ZNF385D: variants seen among roughly 807,000 people sequenced by gnomAD.
ZNF385D encodes the protein zinc finger protein 659.
A neutral mutation model predicts 35.8 loss-of-function variants in ZNF385D; 15 were observed. That is an observed-to-expected ratio of 0.42 (90% CI 0.28 to 0.64). The LOEUF (loss-of-function observed/expected upper bound fraction) is 0.64. Among genes scored for constraint, ZNF385D ranks in the 30% least tolerant of loss-of-function variants. The pLI is 0.23. For missense variants in ZNF385D, 474 were observed against 494.6 expected (o/e 0.96, Z 0.39); for synonymous variants, 212 against 186.8 (o/e 1.13, Z -1.10).
At chr3:22,021,397 G>A (rs1697217121) in intron 3 of ZNF385D, among the ~76,000 whole-genome samples, 2 of 151,896 alleles carry the variant, frequency 1.3e-5, no homozygotes, top group African/African-American at 4.8e-5. Context: ...GGCATTAGAA[G>A]GATAGAAACA....
intron 2 of ZNF385D, among the ~76,000 whole-genome samples, chr3:22,327,614 C>A (rs141885561): frequency 1.3e-5 from 2 of 152,294 alleles, no homozygotes; most frequent in African/African-American, 4.8e-5. Context: ...AGATCATGAA[C>A]CTCTTCCCTA....
intron 3 of ZNF385D, among the ~76,000 whole-genome samples, chr3:21,970,615 G>T (rs1254797139): frequency 2.0e-5 from 3 of 151,956 alleles, no homozygotes; most frequent in South Asian, 2.1e-4. Flanking sequence ...AGTAGAGAGA[G>T]AGAGAGAGAG....
intron 2 of ZNF385D, among the ~76,000 whole-genome samples, chr3:22,195,093 A>C (rs1174647062): frequency 6.6e-6 from 1 of 151,938 alleles, no homozygotes; most frequent in East Asian, 1.9e-4. Context: ...CCAGCAATTT[A>C]TGAGAGTTCC....
intron 4 of ZNF385D, among the ~76,000 whole-genome samples, chr3:21,467,580 A>G (rs1441119687): frequency 2.6e-5 from 4 of 152,296 alleles, no homozygotes; most frequent in African/African-American, 9.6e-5. Context: ...CACTTCCACT[A>G]CTAGAGCTTT....
rs6803242 is a variant in ZNF385D, at chr3:22,183,338, G to A, written c.107-14303C>T. On this transcript the variant is annotated intron_variant, in intron 2 of 5. Coordinates refer to the ZNF385D transcript ENST00000494108. ...AAGTGCTTTGATCTTCAGAGAATGA[G>A]AAGTTATTTATTTACTTATTTTTTT... is the stretch of plus-strand genomic sequence containing the variant. Among the ~76,000 whole-genome samples, 6 of 152,050 alleles carry A rather than the reference G, an allele frequency of 3.9e-5. No individual in the cohort carries two copies. In the East Asian group the frequency reaches 7.7e-4, roughly 20 times the overall value.
chr3:21,499,364 G>C (rs182829538), intron 4 of ZNF385D, among the ~76,000 whole-genome samples: 65 of 152,204 alleles, frequency 4.3e-4, no homozygotes, highest in Admixed American at 6.5e-4. Context: ...TATCCTAAGC[G>C]AACTAACACA....
rs537405732 is a variant in ZNF385D, at chr3:21,798,262, C to T, written c.326-133234G>A. ...TGACACAGGTTGTCTGGTTCTTCGG[C>T]GCATGGCCTCACTCGGCTGAAATCA... On this transcript the variant is annotated intron_variant, in intron 3 of 5. Transcript: ENST00000494108. Among the ~76,000 whole-genome samples the T allele has an allele frequency of 5.4e-4, 82 of 152,300 alleles. No homozygotes were observed. The South Asian group carries it at 9.7e-3, about 18-fold the overall frequency.
chr3:22,030,275 A>ATATATATATATATATC (rs1697875260), intron 3 of ZNF385D, among the ~76,000 whole-genome samples: 1 of 91,496 alleles, frequency 1.1e-5, no homozygotes, highest in African/African-American at 4.5e-5. Context: ...ATATATATAT[A>ATATATATATATATATC]TATATATATA....
intron 3 of ZNF385D, among the ~76,000 whole-genome samples, chr3:21,863,346 T>A (rs1033306172): frequency 9.9e-5 from 15 of 152,172 alleles, no homozygotes; most frequent in Non-Finnish European, 1.3e-4. Flanking sequence ...CATTATAACT[T>A]GTAATATATT....
At chr3:21,455,018 C>T (rs1356577299) in intron 4 of ZNF385D, among the ~76,000 whole-genome samples, 7 of 152,048 alleles carry the variant, frequency 4.6e-5, no homozygotes, top group Non-Finnish European at 7.4e-5. Context: ...CCCAGGAATC[C>T]AACTTACAAG....
At chr3:22,277,057 A>T (rs187695797) in intron 2 of ZNF385D, among the ~76,000 whole-genome samples, 1 of 152,214 alleles carries the variant, frequency 6.6e-6, no homozygotes, top group African/African-American at 2.4e-5. Context: ...GCTTATTCCT[A>T]TTTTCACAAA....
chr3:21,555,231 T>G (rs1321968569), intron 3 of ZNF385D, among the ~76,000 whole-genome samples: 1 of 149,662 alleles, frequency 6.7e-6, no homozygotes, highest in South Asian at 2.1e-4. Context: ...TTTTTTTTTT[T>G]AATACTTTAA....
At chr3:21,713,835 C>T (rs1037483532) in intron 1 of ZNF385D, among the ~76,000 whole-genome samples, 3 of 152,158 alleles carry the variant, frequency 2.0e-5, no homozygotes, top group African/African-American at 4.8e-5. Flanking sequence ...CAGTTTCAAA[C>T]ATCCTATTCT....
intron 1 of ZNF385D, among the ~76,000 whole-genome samples, chr3:21,734,387 T>C (rs948270557): frequency 6.6e-6 from 1 of 152,070 alleles, no homozygotes; most frequent in Non-Finnish European, 1.5e-5. Flanking sequence ...AAAACTTTTA[T>C]TTTAGATGGT....
At chr3:22,193,468 G>A (rs923152075) in intron 2 of ZNF385D, among the ~76,000 whole-genome samples, 2 of 151,990 alleles carry the variant, frequency 1.3e-5, no homozygotes, top group Non-Finnish European at 2.9e-5. Context: ...TACATAGGAT[G>A]CATGAGATCT....
intron 3 of ZNF385D, among the ~76,000 whole-genome samples, chr3:21,864,730 C>A (rs1000458842): frequency 3.9e-5 from 6 of 152,146 alleles, no homozygotes; most frequent in African/African-American, 1.4e-4. Context: ...GCTCTCCATT[C>A]CAATATTTAT....
chr3:21,845,898 G>C (rs373948658), intron 3 of ZNF385D, among the ~76,000 whole-genome samples: 1 of 151,908 alleles, frequency 6.6e-6, no homozygotes, highest in African/African-American at 2.4e-5. Context: ...CAAAAAAGAG[G>C]CTCCCAGAGC....
At chr3:21,948,790 T>A (rs930913915) in intron 3 of ZNF385D, among the ~76,000 whole-genome samples, 6 of 152,150 alleles carry the variant, frequency 3.9e-5, no homozygotes, top group African/African-American at 1.4e-4. Flanking sequence ...AAATGTGAAA[T>A]TAACTATTAT....
At chr3:21,497,810 C>G (rs370551558) in intron 4 of ZNF385D, among the ~76,000 whole-genome samples, 1 of 152,168 alleles carries the variant, frequency 6.6e-6, no homozygotes, top group African/African-American at 2.4e-5. Context: ...GATCATGCCA[C>G]TGCACTCCAG....
Sources: allele counts gnomAD v4.1 joint callset (sites outside exome capture counted in the v4.1 genomes callset), GRCh38; gene constraint gnomAD v4.1.1; transcripts MANE v1.5; gene names NCBI Gene and HGNC (gene_info 2026-07-23, HGNC 2026-07-21).